ARL5B: variants seen among roughly 807,000 people sequenced by gnomAD.
ARL5B encodes ARF like GTPase 5B, also known as ADP-ribosylation factor-like protein 5B.
In ARL5B, 10 loss-of-function variants were observed where a neutral mutation model predicts 26.9. The ratio of observed to expected loss-of-function variants is 0.37; its 90% CI spans 0.23 to 0.63. ARL5B has a LOEUF of 0.63. Among genes scored for constraint, ARL5B ranks in the 30% least tolerant of loss-of-function variants. ARL5B has a pLI of 0.62. For missense variants in ARL5B, 167 were observed against 213.9 expected (o/e 0.78, Z 1.37); for synonymous variants, 87 against 70.4 (o/e 1.24, Z -1.18).
intron 2 of ARL5B, among the ~76,000 whole-genome samples, 158 bp from the exon 3 acceptor site, chr10:18,668,372 A>T (rs1041995135): frequency 6.6e-6 from 1 of 151,992 alleles, no homozygotes; most frequent in African/African-American, 2.4e-5. Flanking sequence ...TGTTATCTAG[A>T]TATTGATTTG....
intron 3 of ARL5B, 129 bp from the exon 4 acceptor site, chr10:18,672,493 A>G: frequency 1.7e-6 from 1 of 576,598 alleles, no homozygotes; most frequent in Non-Finnish European, 3.0e-6. Context: ...TTATGGTGAA[A>G]AAGCAGTAGA....
chr10:18,670,655 A>G (rs2059883004), intron 3 of ARL5B, among the ~76,000 whole-genome samples: 1 of 152,204 alleles, frequency 6.6e-6, no homozygotes. Flanking sequence ...ATTGTAGCAT[A>G]TGATTAATTT....
Position 18,668,551 on chromosome 10 carries a change from T to TA in ARL5B, c.130dup (p.Thr44AsnfsTer10). 2.5e-6 allele frequency: 4 copies of TA among 1,614,128 alleles called. No individual in the cohort carries two copies. Among genetic ancestry groups the TA allele is most frequent in the Non-Finnish European group, 3.4e-6 (4 of 1,180,026 alleles). On this transcript the variant is annotated frameshift_variant, in exon 3 of 6. Coordinates refer to ENST00000377275, the MANE Select transcript of ARL5B (RefSeq NM_178815.5). LOFTEE classifies it high-confidence loss of function. Reference sequence around the variant, plus strand: ...ACAGCTTAATGAATGAAGTGGTTCATACTTCTCCAACCATAGGAAGCAATG... The same window carrying TA: ...ACAGCTTAATGAATGAAGTGGTTCATAACTTCTCCAACCATAGGAAGCAATG...
Position 18,675,988 on chromosome 10 carries a change from A to G in ARL5B, c.*772A>G, listed in dbSNP as rs559127821. 2.0e-5 allele frequency: 3 copies of G among 152,146 alleles called. No individual in the cohort carries two copies. Among genetic ancestry groups the G allele is most frequent in the Non-Finnish European group, 4.4e-5 (3 of 67,954 alleles). The allele number at this position is 152,146 out of a possible 1,614,324, so 9.4% of individuals were successfully genotyped here. On this transcript the variant is annotated 3_prime_UTR_variant, in exon 6 of 6. Transcript: ENST00000377275. ...AAATCTGTTATTTTAAGAATATCAC[A>G]TTATTCAATGCATATAAAACTATCA...
At chr10:18,660,908 C>T (rs4747356) in intron 1 of ARL5B, among the ~76,000 whole-genome samples, 155 of 152,100 alleles carry the variant, frequency 1.0e-3, no homozygotes, top group African/African-American at 3.6e-3. Flanking sequence ...AGTGCAGTGG[C>T]GCAATCTCAG....
At position 18,675,946 on chromosome 10, in the gene ARL5B, GTTAA is replaced by G. The variant is rs1353572024; in HGVS notation, c.*731_*734del. 5 of 152,018 alleles carry G rather than the reference GTTAA, an allele frequency of 3.3e-5. No homozygotes were observed. Among genetic ancestry groups the G allele is most frequent in the African/African-American group, 1.2e-4 (5 of 41,430 alleles). 9.4% of individuals were successfully genotyped at this position (152,018 alleles called of 1,614,324 possible). ...ATTTATTTGAAAGCCCAACTTTGAT[GTTAA>G]ATATTCTTGAATAAATCTGTTATTT... is the stretch of plus-strand genomic sequence containing the variant. On this transcript the variant is annotated 3_prime_UTR_variant, in exon 6 of 6. Transcript: ENST00000377275.
intron 1 of ARL5B, among the ~76,000 whole-genome samples, chr10:18,660,792 A>C (rs1564862138): frequency 6.6e-6 from 1 of 152,230 alleles, no homozygotes; most frequent in Non-Finnish European, 1.5e-5. Context: ...AAATGATTTC[A>C]AAGTGAGCAG....
chr10:18,675,066 G>C, intron 5 of ARL5B, 102 bp from the exon 6 acceptor site: 1 of 978,990 alleles, frequency 1.0e-6, no homozygotes, highest in South Asian at 1.5e-5. Context: ...TATAAATAAT[G>C]ATTGTGCTAC....
chr10:18,676,432 CAT>C lies in ARL5B; in HGVS notation c.*1218_*1219del, dbSNP rs940917795. ...TTAACAACTTAAAATTAAAAAAAGT[CAT>C]AATCTATCAAAAGTTTATTTATTGG... On this transcript the variant is annotated 3_prime_UTR_variant, in exon 6 of 6. Transcript: ENST00000377275. 6.6e-6 allele frequency: 1 copy of C among 151,876 alleles called. No individual in the cohort carries two copies. 9.4% of individuals were successfully genotyped at this position (151,876 alleles called of 1,614,324 possible).
rs757961621 is a variant in ARL5B, at chr10:18,659,643, G to A, written c.6G>A (p.Gly2=). The A allele has an allele frequency of 1.2e-5, 20 of 1,612,970 alleles. No individual in the cohort carries two copies. The highest frequency in any genetic ancestry group is 1.6e-5 in the Non-Finnish European group (19 of 1,179,632). Residue 2 remains glycine (G), a synonymous_variant, in exon 1 of 6, where the codon GGG becomes GGA. Coordinates refer to ENST00000377275, the MANE Select transcript of ARL5B (RefSeq NM_178815.5). M[G]LIFAKLWSLF... ...GGCCCGCCCCGGTGCTCGTGATGGG[G>A]CTGATCTTCGCCAAACTGTGGAGCC...
chr10:18,672,560 T>A (rs922491642), intron 3 of ARL5B, 62 bp from the exon 4 acceptor site: 37 of 1,241,574 alleles, frequency 3.0e-5, no homozygotes, highest in Admixed American at 3.6e-5. Context: ...CTTGAGTAGT[T>A]TTACAGAAAA....
chr10:18,664,568 G>A (rs1425499001), intron 1 of ARL5B, among the ~76,000 whole-genome samples: 2 of 147,872 alleles, frequency 1.4e-5, no homozygotes, highest in Admixed American at 1.4e-4. Context: ...CTCCCAAGTA[G>A]CTGGGACTAC....
intron 4 of ARL5B, among the ~76,000 whole-genome samples, chr10:18,673,445 T>C (rs1332682783): frequency 1.3e-5 from 2 of 152,196 alleles, no homozygotes; most frequent in African/African-American, 4.8e-5. Context: ...GACTTATCCA[T>C]GATAATATAT....
chr10:18,666,692 C>T lies in ARL5B; in HGVS notation c.107+57C>T, dbSNP rs1048656888. ...CTAGTTATTGAAACTAATGTGTTTA[C>T]AATTAATAAGAGATGCATTATAATA... On this transcript the variant is annotated intron_variant, in intron 2 of 5. Coordinates refer to ENST00000377275, the MANE Select transcript of ARL5B (RefSeq NM_178815.5). 8 of 1,390,072 alleles carry T rather than the reference C, an allele frequency of 5.8e-6. No homozygotes were observed. In the South Asian group the frequency reaches 7.0e-5, roughly 12 times the overall value. The allele number at this position is 1,390,072 out of a possible 1,614,324, so 86.1% of individuals were successfully genotyped here.
rs1223368447 is a variant in ARL5B, at chr10:18,680,534, A to G, written c.*5318A>G. On this transcript the variant is annotated 3_prime_UTR_variant, in exon 6 of 6. Transcript: ENST00000377275. ...TCATCAGTGACTTATTTGCATATTT[A>G]AGCCCTATTCACAAGAGACCATAAT... The G allele has an allele frequency of 6.6e-6, 1 of 152,074 alleles. No homozygotes were observed. The highest frequency in any genetic ancestry group is 1.5e-5 in the Non-Finnish European group (1 of 67,948). The allele number at this position is 152,074 out of a possible 1,614,324, so 9.4% of individuals were successfully genotyped here.
rs1002316754 is a variant in ARL5B at position 18,659,468 on chromosome 10, G to C, written c.-170G>C. The C allele has an allele frequency of 8.1e-5, 67 of 829,726 alleles. No individual in the cohort carries two copies. Among genetic ancestry groups the C allele is most frequent in the Non-Finnish European group, 7.4e-5 (42 of 565,820 alleles). The allele number at this position is 829,726 out of a possible 1,614,324, so 51.4% of individuals were successfully genotyped here. On this transcript the variant is annotated 5_prime_UTR_variant, in exon 1 of 6. Transcript: ENST00000377275. ...ACAAAGGGCTGTCCGGTGGGGATTCGTCGCGGCGCCTTCTGAGTGGTCGGG... is the reference window on the plus strand; with the variant it reads ...ACAAAGGGCTGTCCGGTGGGGATTCCTCGCGGCGCCTTCTGAGTGGTCGGG...
intron 3 of ARL5B, among the ~76,000 whole-genome samples, chr10:18,671,641 C>G (rs1000615368): frequency 6.6e-6 from 1 of 151,156 alleles, no homozygotes. Context: ...TCTCCTCCAT[C>G]TCCTCCTCCT....
At chr10:18,664,988 T>C (rs531658119) in intron 1 of ARL5B, among the ~76,000 whole-genome samples, 3 of 152,324 alleles carry the variant, frequency 2.0e-5, no homozygotes, top group South Asian at 4.1e-4. Context: ...AAGTTTTGCT[T>C]ATCTTTAAAC....
intron 1 of ARL5B, among the ~76,000 whole-genome samples, chr10:18,662,298 A>G (rs2059840517): frequency 6.6e-6 from 1 of 152,228 alleles, no homozygotes. Context: ...TCTTTCTTCC[A>G]GTATTTCCAC....
Sources: gnomAD v4.1 joint callset for allele counts (sites outside exome capture counted in the v4.1 genomes callset) on GRCh38, gnomAD v4.1.1 for gene constraint, MANE v1.5 for transcripts, NCBI Gene and HGNC (gene_info 2026-07-23, HGNC 2026-07-21) for gene names.